RCAN2: variants seen among roughly 807,000 people sequenced by gnomAD.
RCAN2 encodes the protein regulator of calcineurin 2.
In RCAN2, 9 loss-of-function variants were observed where a neutral mutation model predicts 23.6. That is an observed-to-expected ratio of 0.38 (90% CI 0.23 to 0.67). The LOEUF is 0.67. RCAN2 is among the 30% of genes least tolerant of loss of function. The pLI, the probability that RCAN2 is intolerant of heterozygous loss-of-function variation, is 0.51. For synonymous variants in RCAN2, 109 were observed against 115.7 expected (o/e 0.94, Z 0.37); for missense variants, 273 against 302.3 (o/e 0.90, Z 0.72).
At chr6:46,318,615 T>G (rs940722440) in intron 2 of RCAN2, among the ~76,000 whole-genome samples, 5 of 152,098 alleles carry the variant, frequency 3.3e-5, no homozygotes, top group African/African-American at 9.7e-5. Context: ...CTTAATCCCT[T>G]GATGTAGTTA....
At chr6:46,429,505 G>A (rs1398074620) in intron 2 of RCAN2, among the ~76,000 whole-genome samples, 2 of 152,180 alleles carry the variant, frequency 1.3e-5, no homozygotes, top group African/African-American at 4.8e-5. Flanking sequence ...ACTGAAGAAG[G>A]AAAATATTAT....
intron 2 of RCAN2, among the ~76,000 whole-genome samples, chr6:46,397,856 G>GA (rs1766140858): frequency 1.3e-5 from 2 of 152,064 alleles, no homozygotes; most frequent in Non-Finnish European, 2.9e-5. Flanking sequence ...ATTAACACGT[G>GA]AAAAAATCTT....
chr6:46,400,097 C>A (rs1317023342), intron 2 of RCAN2, among the ~76,000 whole-genome samples: 1 of 152,210 alleles, frequency 6.6e-6, no homozygotes, highest in Non-Finnish European at 1.5e-5. Flanking sequence ...GTTTCCACCT[C>A]TAGTGTATCT....
At chr6:46,421,769 A>T (rs1766895485) in intron 2 of RCAN2, among the ~76,000 whole-genome samples, 1 of 152,200 alleles carries the variant, frequency 6.6e-6, no homozygotes, top group African/African-American at 2.4e-5. Flanking sequence ...AGAACTCATT[A>T]AAAGTAGAGA....
chr6:46,254,586 GCTAA>G (rs1766843062), intron 2 of RCAN2, among the ~76,000 whole-genome samples: 1 of 152,144 alleles, frequency 6.6e-6, no homozygotes, highest in Non-Finnish European at 1.5e-5. Context: ...AGGGAGCTGG[GCTAA>G]CTATGTGGGC....
At chr6:46,463,069 C>T (rs1181692906) in intron 1 of RCAN2, among the ~76,000 whole-genome samples, 1 of 152,066 alleles carries the variant, frequency 6.6e-6, no homozygotes, top group Non-Finnish European at 1.5e-5. Context: ...CAGTCAGTAG[C>T]GTGATGTGTG....
At chr6:46,367,500 C>A (rs1038419195) in intron 2 of RCAN2, among the ~76,000 whole-genome samples, 3 of 152,140 alleles carry the variant, frequency 2.0e-5, no homozygotes, top group Admixed American at 6.5e-5. Flanking sequence ...AAAGGCTTGG[C>A]TGATGAAGAC....
intron 1 of RCAN2, among the ~76,000 whole-genome samples, chr6:46,470,316 T>A (rs1056944795): frequency 3.3e-5 from 5 of 152,156 alleles, no homozygotes; most frequent in Admixed American, 3.3e-4. Context: ...CCCTTTACCT[T>A]CCTACTTTTC....
chr6:46,333,480 T>C (rs1764048822), intron 2 of RCAN2, among the ~76,000 whole-genome samples: 1 of 152,236 alleles, frequency 6.6e-6, no homozygotes, highest in South Asian at 2.1e-4. Context: ...CAGCAATGGA[T>C]AGACTTTGAA....
intron 2 of RCAN2, among the ~76,000 whole-genome samples, chr6:46,256,813 T>C (rs1350074916): frequency 6.6e-6 from 1 of 152,202 alleles, no homozygotes; most frequent in Non-Finnish European, 1.5e-5. Context: ...GAAACATACA[T>C]TGAAGCCAAG....
intron 4 of RCAN2, among the ~76,000 whole-genome samples, chr6:46,241,869 A>G (rs901914767): frequency 1.3e-5 from 2 of 152,242 alleles, no homozygotes; most frequent in African/African-American, 2.4e-5. Flanking sequence ...AGTGCCTGGC[A>G]CATAGTAAGT....
At chr6:46,403,236 A>T (rs1301562983) in intron 2 of RCAN2, among the ~76,000 whole-genome samples, 1 of 151,846 alleles carries the variant, frequency 6.6e-6, no homozygotes, top group Non-Finnish European at 1.5e-5. Flanking sequence ...AAGTGCTGGG[A>T]TTGTAGGCGT....
At chr6:46,394,008 T>C (rs1766012190) in intron 2 of RCAN2, among the ~76,000 whole-genome samples, 1 of 152,232 alleles carries the variant, frequency 6.6e-6, no homozygotes, top group East Asian at 1.9e-4. Flanking sequence ...TCCTTAGGCC[T>C]GTGACTTCAA....
chr6:46,348,106 G>C (rs1055972083), intron 2 of RCAN2, among the ~76,000 whole-genome samples: 1 of 152,168 alleles, frequency 6.6e-6, no homozygotes, highest in Non-Finnish European at 1.5e-5. Context: ...GGCATATCTA[G>C]TAACCCAATT....
rs1768051099 is a variant in RCAN2, at chr6:46,456,893, C to T, written c.84G>A (p.Leu28=). Residue 28 remains leucine, a synonymous_variant, in exon 2 of 5, where the codon CTG becomes CTA. Transcript: ENST00000371374. ...HVPEDGGLFL[L]CCIDRDWAVT... Reference sequence around the variant, plus strand: ...CAGCCCAGTCCCTGTCTATGCAGCACAGTAAGAAAAGTCCTCCATCTTCAG... The same window carrying T: ...CAGCCCAGTCCCTGTCTATGCAGCATAGTAAGAAAAGTCCTCCATCTTCAG... 2.6e-6 allele frequency: 4 copies of T among 1,550,718 alleles called. No individual in the cohort carries two copies. Among genetic ancestry groups the T allele is most frequent in the Non-Finnish European group, 3.5e-6 (4 of 1,147,004 alleles).
Position 46,325,410 on chromosome 6 carries a change from T to C in RCAN2, c.226-76514A>G, listed in dbSNP as rs756735411. 2.5e-6 allele frequency: 4 copies of C among 1,614,170 alleles called. No individual in the cohort carries two copies. The Admixed American group carries it at 5.0e-5, about 20-fold the overall frequency. On this transcript the variant is annotated intron_variant, in intron 2 of 4. Coordinates refer to ENST00000371374, the MANE Select transcript of RCAN2 (RefSeq NM_001251974.2). Reference sequence around the variant, plus strand: ...GTGCATACCTTAACCTCCTGATTGGTAAAGACCTCGACATCCACCACACAG... The same window carrying C: ...GTGCATACCTTAACCTCCTGATTGGCAAAGACCTCGACATCCACCACACAG...
chr6:46,423,341 C>G (rs1231332385), intron 2 of RCAN2, among the ~76,000 whole-genome samples: 1 of 152,140 alleles, frequency 6.6e-6, no homozygotes, highest in East Asian at 1.9e-4. Flanking sequence ...CTCTAGATGG[C>G]CAATCCTATA....
chr6:46,391,012 G>A (rs1009357810), intron 2 of RCAN2, among the ~76,000 whole-genome samples: 1 of 152,150 alleles, frequency 6.6e-6, no homozygotes, highest in African/African-American at 2.4e-5. Context: ...AGTCCAGCTT[G>A]TCTAAAACCC....
chr6:46,309,011 T>C (rs1763169504), intron 2 of RCAN2, among the ~76,000 whole-genome samples: 1 of 152,194 alleles, frequency 6.6e-6, no homozygotes, highest in Non-Finnish European at 1.5e-5. Flanking sequence ...GAGGTCAATA[T>C]AACAGGAAGA....
Sources: allele counts gnomAD v4.1 joint callset (sites outside exome capture counted in the v4.1 genomes callset), GRCh38; gene constraint gnomAD v4.1.1; transcripts MANE v1.5; gene names NCBI Gene and HGNC (gene_info 2026-07-23, HGNC 2026-07-21).